Variants in LPP observed in about 807,000 individuals in gnomAD.
The protein encoded by LPP is LIM domain containing preferred translocation partner in lipoma.
In LPP, 38 loss-of-function variants were observed where a neutral mutation model predicts 60.4. The observed-to-expected ratio is 0.63, with a 90% CI of 0.49 to 0.83. LPP has a LOEUF of 0.83. Among genes scored for constraint, LPP ranks in the 40% least tolerant of loss-of-function variants. LPP has a pLI of 0.00. For missense variants in LPP, 902 were observed against 783.6 expected, an observed-to-expected ratio of 1.15 and a Z score of -1.80; for synonymous variants, 328 against 290.8, an observed-to-expected ratio of 1.13 and a Z score of -1.30.
chr3:188,271,997 C>T (rs1247570890), intron 2 of LPP, among the ~76,000 whole-genome samples: 1 of 152,018 alleles, frequency 6.6e-6, no homozygotes, highest in Non-Finnish European at 1.5e-5. Flanking sequence ...TGCTTGTGGT[C>T]CCTTTCCTGG....
intron 1 of LPP, among the ~76,000 whole-genome samples, chr3:188,203,414 A>ATG (rs1356849400): frequency 3.3e-4 from 17 of 52,284 alleles, no homozygotes; most frequent in Non-Finnish European, 6.2e-4. Context: ...TTATAAATAT[A>ATG]TATATAATAT....
At chr3:188,409,058 A>G (rs1306298907) in intron 4 of LPP, among the ~76,000 whole-genome samples, 2 of 152,128 alleles carry the variant, frequency 1.3e-5, no homozygotes, top group Non-Finnish European at 2.9e-5. Context: ...ATGGTTGCAT[A>G]TGGTCAAATG....
chr3:188,431,345 G>A (rs1374178552), intron 4 of LPP, among the ~76,000 whole-genome samples: 2 of 152,072 alleles, frequency 1.3e-5, no homozygotes, highest in South Asian at 2.1e-4. Flanking sequence ...GATGAAAGAC[G>A]TGTAGTTGAA....
At position 188,326,764 on chromosome 3, in the gene LPP, G is replaced by A. The variant is rs1758537028; in HGVS notation, c.-66-14899G>A. Among the ~76,000 whole-genome samples, 4 of 152,172 alleles carry A rather than the reference G, an allele frequency of 2.6e-5. No individual in the cohort carries two copies. In the South Asian group the frequency reaches 8.3e-4, roughly 32 times the overall value. On this transcript the variant is annotated intron_variant, in intron 2 of 11. Coordinates refer to ENST00000617246, the MANE Select transcript of LPP (RefSeq NM_001375462.1). ...TAGGTATGTACCTGTCTGTTCTTCAGAATTATATTTCTAATTTAAAATTAT... is the reference window on the plus strand; with the variant it reads ...TAGGTATGTACCTGTCTGTTCTTCAAAATTATATTTCTAATTTAAAATTAT...
At chr3:188,409,666 GC>G (rs1367675713) in intron 4 of LPP, among the ~76,000 whole-genome samples, 1 of 152,112 alleles carries the variant, frequency 6.6e-6, no homozygotes, top group Non-Finnish European at 1.5e-5. Context: ...ACCAGCTTAT[GC>G]TCTGTATTGC....
intron 4 of LPP, among the ~76,000 whole-genome samples, chr3:188,448,068 C>T (rs1023167570): frequency 6.6e-6 from 1 of 152,036 alleles, no homozygotes; most frequent in Admixed American, 6.6e-5. Flanking sequence ...ATTTTTATAA[C>T]AGGGTCTATA....
chr3:188,181,325 C>A (rs1724923322), intron 1 of LPP, among the ~76,000 whole-genome samples: 1 of 147,184 alleles, frequency 6.8e-6, no homozygotes, highest in African/African-American at 2.5e-5. Context: ...TGCACTCCAG[C>A]CTGGGTGACA....
At chr3:188,583,041 T>C (rs1370977740) in intron 6 of LPP, among the ~76,000 whole-genome samples, 1 of 152,222 alleles carries the variant, frequency 6.6e-6, no homozygotes, top group Non-Finnish European at 1.5e-5. Flanking sequence ...AGTCTGACTG[T>C]ATTACTTTCC....
intron 6 of LPP, among the ~76,000 whole-genome samples, chr3:188,552,360 A>C (rs1828367746): frequency 6.6e-6 from 1 of 152,232 alleles, no homozygotes; most frequent in Non-Finnish European, 1.5e-5. Flanking sequence ...GGAACTAAGT[A>C]GAGGATGCCA....
intron 2 of LPP, among the ~76,000 whole-genome samples, chr3:188,325,297 A>G (rs574490918): frequency 6.6e-6 from 1 of 151,994 alleles, no homozygotes; most frequent in East Asian, 1.9e-4. Flanking sequence ...CTTTTTTCAT[A>G]CCACTCATCA....
Position 188,842,577 on chromosome 3 carries a change from G to A in LPP, c.1411-23623G>A, listed in dbSNP as rs558858672. 2.0e-5 allele frequency among the ~76,000 whole-genome samples: 3 copies of A among 152,266 alleles called. No individual in the cohort carries two copies. The South Asian group carries it at 6.2e-4, about 32-fold the overall frequency. On this transcript the variant is annotated intron_variant, in intron 9 of 11. Transcript: ENST00000617246. ...CCTGTGTTTGTGGGGTGTTACTCAA[G>A]AAATCTTTGCCCAATCCAAAGAACA...
At chr3:188,838,764 C>T (rs1461384483) in intron 9 of LPP, among the ~76,000 whole-genome samples, 1 of 152,092 alleles carries the variant, frequency 6.6e-6, no homozygotes, top group African/African-American at 2.4e-5. Flanking sequence ...GAACAGAAAA[C>T]CAAACACCAC....
intron 6 of LPP, among the ~76,000 whole-genome samples, chr3:188,557,861 A>AC (rs1012638611): frequency 2.0e-5 from 3 of 152,110 alleles, no homozygotes; most frequent in African/African-American, 7.2e-5. Context: ...ACAAGAGTTG[A>AC]GAGGGCCCAG....
At chr3:188,592,576 A>G (rs7633491) in intron 6 of LPP, among the ~76,000 whole-genome samples, 23,675 of 66,840 alleles carry the variant, frequency 0.35, 7,592 homozygotes, top group South Asian at 0.54. Flanking sequence ...ATGGAGTCTC[A>G]CTCTTTCTCC....
intron 9 of LPP, among the ~76,000 whole-genome samples, chr3:188,848,581 A>T (rs1413574700): frequency 2.0e-5 from 3 of 152,210 alleles, no homozygotes; most frequent in Non-Finnish European, 2.9e-5. Flanking sequence ...GTGAGACCTG[A>T]AGTAGACATT....
In LPP at chr3:188,609,519, C is replaced by T. The variant is rs752703551; in HGVS notation, c.788C>T (p.Pro263Leu). Residue 263 changes from proline to leucine, a missense_variant, in exon 7 of 12, where the codon CCA becomes CTA. Physicochemically the swap from Pro to Leu is moderately conservative, Grantham distance 98. Transcript: ENST00000617246. This position sits in a 1 kb window ranked among gnomAD's most constrained non-coding sequence, Gnocchi z 6.9. ...CCAGTTCCTGTCTCTGGGCAGTGTC[C>T]ACCTCCTTCAACACGGGGAGGCATG... is the stretch of plus-strand genomic sequence containing the variant. ...TQPVPVSGQC[P>L]PPSTRGGMDY... The T allele has an allele frequency of 5.0e-6, 8 of 1,614,152 alleles. No individual in the cohort carries two copies. In the East Asian group the frequency reaches 1.6e-4, roughly 31 times the overall value.
chr3:188,546,593 C>T lies in LPP; in HGVS notation c.429+21806C>T, dbSNP rs937306347. On this transcript the variant is annotated intron_variant, in intron 6 of 11. Coordinates refer to ENST00000617246, the MANE Select transcript of LPP (RefSeq NM_001375462.1). ...ATTTAATAAGACATATGGGAGTCTA[C>T]GGAATCTAGGGAAGGCAGCTGAGTA... Among the ~76,000 whole-genome samples, 8 of 152,112 alleles carry T rather than the reference C, an allele frequency of 5.3e-5. No individual in the cohort carries two copies. The East Asian group carries it at 1.4e-3, about 26-fold the overall frequency.
chr3:188,812,272 A>G (rs1751214529), intron 9 of LPP, among the ~76,000 whole-genome samples: 1 of 152,140 alleles, frequency 6.6e-6, no homozygotes, highest in South Asian at 2.1e-4. Flanking sequence ...CCTCACTACA[A>G]TGCTCCCCAA....
At chr3:188,862,712 C>CAAAAAAAAAAAAAA (rs140751676) in intron 9 of LPP, among the ~76,000 whole-genome samples, 36 of 55,596 alleles carry the variant, frequency 6.5e-4, no homozygotes, top group East Asian at 1.4e-3. Context: ...CCCTACTAGA[C>CAAAAAAAAAAAAAA]AAAAAAATAA....
Sources: allele counts gnomAD v4.1 joint callset (sites outside exome capture counted in the v4.1 genomes callset), GRCh38; gene constraint gnomAD v4.1.1; non-coding constraint Gnocchi (gnomAD v3.1); transcripts MANE v1.5; gene names NCBI Gene and HGNC (gene_info 2026-07-23, HGNC 2026-07-21).